The following WDFY4 variants were observed in gnomAD, a reference collection of about 807,000 sequenced individuals.
WDFY4 encodes the protein WD repeat- and FYVE domain-containing protein 4.
WDFY4 carries 169 observed loss-of-function variants against 351.9 expected under a neutral mutation model. The observed-to-expected ratio is 0.48, with a 90% CI of 0.42 to 0.55. The LOEUF is 0.55. Ranked by LOEUF, WDFY4 falls within the 20% of genes least tolerant of loss-of-function variation. WDFY4 has a pLI of 0.00. For missense variants in WDFY4, 3,803 were observed against 3,935.6 expected (o/e 0.97, Z 0.90); for synonymous variants, 1,622 against 1,574.6 (o/e 1.03, Z -0.71).
chr10:48,906,220 T>C (rs1837609678), intron 47 of WDFY4, among the ~76,000 whole-genome samples: 1 of 152,248 alleles, frequency 6.6e-6, no homozygotes, highest in Admixed American at 6.5e-5. Flanking sequence ...CCATGACACT[T>C]GGCCTAGGCT....
At chr10:48,882,548 T>C (rs991827576) in intron 43 of WDFY4, among the ~76,000 whole-genome samples, 1 of 151,990 alleles carries the variant, frequency 6.6e-6, no homozygotes, top group African/African-American at 2.4e-5. Flanking sequence ...GAAAAGAGGT[T>C]TAGTTGGCTC....
At chr10:48,713,827 C>A (rs920835231) in intron 2 of WDFY4, among the ~76,000 whole-genome samples, 1 of 152,180 alleles carries the variant, frequency 6.6e-6, no homozygotes, top group Non-Finnish European at 1.5e-5. Context: ...TTTAATATCA[C>A]CCTATTCTTT....
At position 48,723,568 on chromosome 10, in the gene WDFY4, G is replaced by A; in HGVS notation, c.591+1G>A. On this transcript the variant is annotated splice_donor_variant, in intron 5 of 61. Coordinates refer to ENST00000325239, the MANE Select transcript of WDFY4 (RefSeq NM_001394531.1). LOFTEE classifies it high-confidence loss of function. ...TCAAGTTCAAAAGATGTTCGTGCAG[G>A]TGAGTTCAAGGAGGGCCTCCAATTC... is the stretch of plus-strand genomic sequence containing the variant. The A allele has an allele frequency of 6.4e-7, 1 of 1,551,876 alleles. No homozygotes were observed. Among genetic ancestry groups the A allele is most frequent in the Non-Finnish European group, 8.7e-7 (1 of 1,147,016 alleles).
intron 47 of WDFY4, among the ~76,000 whole-genome samples, chr10:48,940,441 G>C (rs939767806): frequency 2.0e-5 from 3 of 152,202 alleles, no homozygotes; most frequent in African/African-American, 7.2e-5. Context: ...CAGAGGGATG[G>C]AGAGCCCAGG....
intron 53 of WDFY4, among the ~76,000 whole-genome samples, chr10:48,962,669 T>C (rs531955090): frequency 1.3e-5 from 2 of 152,276 alleles, no homozygotes; most frequent in Admixed American, 1.3e-4. Flanking sequence ...GATGACACCT[T>C]TTATGAGGGG....
intron 47 of WDFY4, among the ~76,000 whole-genome samples, chr10:48,916,706 G>A (rs922718459): frequency 2.0e-5 from 3 of 152,186 alleles, no homozygotes; most frequent in African/African-American, 4.8e-5. Context: ...AAGTGATTCT[G>A]AAAGTTGTAT....
chr10:48,779,251 A>G (rs953887756), intron 18 of WDFY4, among the ~76,000 whole-genome samples: 2 of 152,180 alleles, frequency 1.3e-5, no homozygotes, highest in East Asian at 1.9e-4. Context: ...GCGCTCCCAC[A>G]TATGCTCAAC....
At chr10:48,747,088 T>C (rs2065037675) in intron 12 of WDFY4, among the ~76,000 whole-genome samples, 1 of 152,242 alleles carries the variant, frequency 6.6e-6, no homozygotes, top group Admixed American at 6.5e-5. Context: ...GGATTTTATT[T>C]GTCTGAAAAC....
intron 47 of WDFY4, chr10:48,914,064 C>A (rs17772611): frequency 1.9e-6 from 3 of 1,613,954 alleles, no homozygotes; most frequent in African/African-American, 1.3e-5. Context: ...CAAGTCAAGG[C>A]GCTTTTTCCC....
chr10:48,977,229 C>G (rs1287598433), intron 59 of WDFY4: 1 of 305,118 alleles, frequency 3.3e-6, no homozygotes, highest in Non-Finnish European at 5.9e-6. Context: ...AAAATAAATA[C>G]TGTTACAACA....
intron 28 of WDFY4, 94 bp downstream of exon 28, chr10:48,808,052 A>C: frequency 2.8e-6 from 3 of 1,082,428 alleles, no homozygotes; most frequent in Non-Finnish European, 3.8e-6. Context: ...AGCATCTCTG[A>C]GTCTGTTTTC....
chr10:48,757,873 C>T (rs1263082537), intron 12 of WDFY4, among the ~76,000 whole-genome samples: 1 of 152,092 alleles, frequency 6.6e-6, no homozygotes, highest in Admixed American at 6.5e-5. Context: ...GAAAGCTTAC[C>T]TCTACGCCGT....
At chr10:48,820,966 C>T (rs1399641534) in intron 33 of WDFY4, 96 bp from the exon 34 acceptor site, 25 of 818,376 alleles carry the variant, frequency 3.1e-5, no homozygotes, top group East Asian at 1.6e-4. Context: ...CTGGCAGATG[C>T]GGCATAAGTG....
At chr10:48,955,396 C>T (rs904250438) in intron 51 of WDFY4, among the ~76,000 whole-genome samples, 4 of 152,204 alleles carry the variant, frequency 2.6e-5, no homozygotes, top group Non-Finnish European at 5.9e-5. Flanking sequence ...CCAGCCAGAC[C>T]ATGACCCTCA....
chr10:48,777,283 TG>T, intron 16 of WDFY4, 135 bp from the exon 17 acceptor site: 1 of 868,046 alleles, frequency 1.2e-6, no homozygotes. Flanking sequence ...AGTCCATCCT[TG>T]GGACCTTATG....
chr10:48,723,879 A>C (rs1177802598), intron 5 of WDFY4, among the ~76,000 whole-genome samples: 1 of 151,930 alleles, frequency 6.6e-6, no homozygotes, highest in Non-Finnish European at 1.5e-5. Context: ...GGTCCATACA[A>C]ACTGAGGCAT....
At chr10:48,753,599 G>C (rs930042950) in intron 12 of WDFY4, among the ~76,000 whole-genome samples, 1 of 152,082 alleles carries the variant, frequency 6.6e-6, no homozygotes, top group Non-Finnish European at 1.5e-5. Context: ...CAACTGCTCT[G>C]GTACCATTAG....
At chr10:48,702,091 G>A (rs1342434554) in intron 1 of WDFY4, among the ~76,000 whole-genome samples, 1 of 152,150 alleles carries the variant, frequency 6.6e-6, no homozygotes, top group Admixed American at 6.5e-5. Flanking sequence ...AATGTAGACT[G>A]TCATGTGACC....
In WDFY4 at chr10:48,789,854, A is replaced by G; in HGVS notation, c.3955-20A>G. The G allele has an allele frequency of 1.3e-6, 2 of 1,551,760 alleles. No homozygotes were observed. Among genetic ancestry groups the G allele is most frequent in the Non-Finnish European group, 1.7e-6 (2 of 1,146,590 alleles). On this transcript the variant is annotated intron_variant, in intron 21 of 61. Coordinates refer to ENST00000325239, the MANE Select transcript of WDFY4 (RefSeq NM_001394531.1). The stretch of plus-strand genomic sequence containing the variant: ...CTTTTGCAGGACTTTCTTAGGACTA[A>G]TTGCTGCTCATTTCTCTAGATGAAC...
Sources: gnomAD v4.1 joint callset for allele counts (sites outside exome capture counted in the v4.1 genomes callset) on GRCh38, gnomAD v4.1.1 for gene constraint, MANE v1.5 for transcripts, NCBI Gene and HGNC (gene_info 2026-07-23, HGNC 2026-07-21) for gene names.